The following SLC12A7 variants were observed in gnomAD, a reference collection of about 807,000 sequenced individuals.
The protein encoded by SLC12A7 is solute carrier family 12 member 7.
Under a neutral mutation model 120.6 loss-of-function variants are expected in SLC12A7, and 100 were observed. The ratio of observed to expected loss-of-function variants is 0.83; its 90% CI spans 0.71 to 0.98. The LOEUF (loss-of-function observed/expected upper bound fraction) is 0.98. SLC12A7 is among the 50% of genes least tolerant of loss of function. The pLI, the probability that SLC12A7 is intolerant of heterozygous loss-of-function variation, is 0.00. For missense variants in SLC12A7, 1,373 were observed against 1,548.1 expected, an observed-to-expected ratio of 0.89 and a Z score of 1.90; for synonymous variants, 760 against 678.0, an observed-to-expected ratio of 1.12 and a Z score of -1.88.
the SLC12A7 span, among the ~76,000 whole-genome samples, chr5:1,141,142 G>A: frequency 1.3e-5 from 2 of 152,208 alleles, no homozygotes; most frequent in Non-Finnish European, 2.9e-5. Flanking sequence ...GGCGGGCACC[G>A]GTTCCGGCCT....
rs199523332 is a variant in SLC12A7 at position 1,081,725 on chromosome 5, G to A, written c.1149C>T (p.Tyr383=). The A allele has an allele frequency of 2.1e-5, 34 of 1,612,690 alleles. No homozygotes were observed. Among genetic ancestry groups the A allele is most frequent in the Admixed American group, 1.2e-4 (7 of 60,000 alleles). The change falls in exon 9 of 24, where the codon TAC becomes TAT. Residue 383 remains tyrosine (Y), a synonymous_variant. Coordinates refer to ENST00000264930, the MANE Select transcript of SLC12A7 (RefSeq NM_006598.3). ...GVFLENLWST[Y]AHAGAFVEKK... ...TCTCCACAAACGCCCCCGCGTGCGC[G>A]TACGTACTCCACAGGTTCTCTGCCG... is the stretch of plus-strand genomic sequence containing the variant.
At chr5:1,151,480 A>G in the SLC12A7 span, among the ~76,000 whole-genome samples, 57,917 of 152,036 alleles carry the variant, frequency 0.38, 11,892 homozygotes, top group African/African-American at 0.51. The surrounding 1 kb of genome is among the most constrained non-coding windows in gnomAD (Gnocchi z 6.2). Context: ...CCCTCCAGGT[A>G]TAATTATGAG....
chr5:1,136,378 G>A, the SLC12A7 span, among the ~76,000 whole-genome samples: 4 of 146,634 alleles, frequency 2.7e-5, no homozygotes, highest in African/African-American at 7.8e-5. Context: ...ACCAGGACAC[G>A]CAGACACACG....
At chr5:1,084,176 TGGGGACCAGGGACC>T (rs1169546478) in intron 7 of SLC12A7, among the ~76,000 whole-genome samples, 2 of 151,694 alleles carry the variant, frequency 1.3e-5, no homozygotes, top group East Asian at 1.9e-4. Flanking sequence ...GACCGGGGAC[TGGGGACCAGGGACC>T]GGGGACCAGG....
intron 17 of SLC12A7, among the ~76,000 whole-genome samples, chr5:1,065,850 G>A (rs1017557772): frequency 1.3e-5 from 2 of 151,246 alleles, no homozygotes; most frequent in Non-Finnish European, 3.0e-5. Flanking sequence ...AGAAACACCC[G>A]AAAATGGGCC....
At chr5:1,151,953 A>G in the SLC12A7 span, among the ~76,000 whole-genome samples, 2 of 152,164 alleles carry the variant, frequency 1.3e-5, no homozygotes, top group Non-Finnish European at 2.9e-5. This position sits in a 1 kb window ranked among gnomAD's most constrained non-coding sequence, Gnocchi z 6.2. Flanking sequence ...AGAGGAAGCT[A>G]CATGGGGGCT....
At position 1,060,431 on chromosome 5, in the gene SLC12A7, A is replaced by C. The variant is rs200649949; in HGVS notation, c.2760T>G (p.Ala920=). ...TCATTAGTGTCCTCTCGTAGGTGAA[A>C]GCAGATATGTCGTTTTCAACCTAGA... ...VVEMVENDIS[A]FTYERTLMME... Residue 920 remains alanine, a synonymous_variant, in exon 21 of 24, where the codon GCT becomes GCG. Coordinates refer to ENST00000264930, the MANE Select transcript of SLC12A7 (RefSeq NM_006598.3). The C allele has an allele frequency of 3.1e-6, 5 of 1,613,596 alleles. No individual in the cohort carries two copies. In the East Asian group the frequency reaches 6.7e-5, roughly 22 times the overall value.
At chr5:1,078,597 C>T (rs955819698) in intron 11 of SLC12A7, 104 bp downstream of exon 11, 28 of 936,240 alleles carry the variant, frequency 3.0e-5, no homozygotes, top group Admixed American at 9.7e-5. Flanking sequence ...GCTCTGCACG[C>T]GGACATGAAG....
chr5:1,073,851 C>G (rs180844221), intron 16 of SLC12A7, 50 bp from the exon 17 acceptor site: 1 of 1,343,134 alleles, frequency 7.4e-7, no homozygotes, highest in Non-Finnish European at 9.6e-7. Flanking sequence ...TACCAGGGCA[C>G]GGCCCATCAA....
chr5:1,056,041 C>G (rs1735572868), intron 22 of SLC12A7, among the ~76,000 whole-genome samples: 1 of 152,128 alleles, frequency 6.6e-6, no homozygotes, highest in Admixed American at 6.5e-5. Flanking sequence ...ATCGAGGACT[C>G]CCAGGGAGCA....
chr5:1,076,876 G>A, intron 12 of SLC12A7, 64 bp from the exon 13 acceptor site: 1 of 1,152,838 alleles, frequency 8.7e-7, no homozygotes, highest in South Asian at 1.2e-5. Flanking sequence ...GAAGCTGCAG[G>A]CTGGTCAGGT....
intron 18 of SLC12A7, among the ~76,000 whole-genome samples, chr5:1,064,473 G>A (rs1406408038): frequency 6.6e-5 from 10 of 152,248 alleles, no homozygotes; most frequent in Non-Finnish European, 1.3e-4. Context: ...GCCCCTGCGG[G>A]GCTCTGGGAG....
chr5:1,136,540 G>A, the SLC12A7 span, among the ~76,000 whole-genome samples: 183 of 94,202 alleles, frequency 1.9e-3, 12 homozygotes, highest in African/African-American at 7.8e-3. Flanking sequence ...GCAGGCACAC[G>A]TGTGCTCAGA....
At chr5:1,119,631 G>C in the SLC12A7 span, among the ~76,000 whole-genome samples, 9 of 152,360 alleles carry the variant, frequency 5.9e-5, no homozygotes, top group Non-Finnish European at 8.8e-5. Context: ...CGGGAACAAC[G>C]GACTTTGAGC....
At chr5:1,075,540 A>C (rs946177329) in intron 14 of SLC12A7, 50 bp from the exon 15 acceptor site, 3 of 1,578,344 alleles carry the variant, frequency 1.9e-6, no homozygotes, top group Non-Finnish European at 2.6e-6. Context: ...TGCAGCCCCC[A>C]CACCTCAGCC....
chr5:1,100,049 G>T (rs915243099), intron 1 of SLC12A7, among the ~76,000 whole-genome samples: 21 of 152,212 alleles, frequency 1.4e-4, no homozygotes, highest in African/African-American at 5.1e-4. Context: ...AGAAGGCATG[G>T]CATTTCAACC....
At chr5:1,088,109 G>A (rs1407635240) in intron 5 of SLC12A7, among the ~76,000 whole-genome samples, 197 bp downstream of exon 5, 1 of 152,194 alleles carries the variant, frequency 6.6e-6, no homozygotes, top group Non-Finnish European at 1.5e-5. Flanking sequence ...GCAGCAAAAT[G>A]GGGAAGAAAA....
chr5:1,057,753 A>C (rs1448294716), intron 21 of SLC12A7, 104 bp from the exon 22 acceptor site: 8 of 1,153,274 alleles, frequency 6.9e-6, no homozygotes, highest in South Asian at 1.5e-5. Context: ...ACAGAACCTG[A>C]AGGGCCCTGT....
Position 1,077,941 on chromosome 5 carries a change from G to A in SLC12A7, c.1521C>T (p.Ile507=), listed in dbSNP as rs372143984. ...AGGTGGAGAAGAAGGAGCCGATGAC[G>A]ATGACCCAGGGGGAGGGCCAGGCCA... ...GMLAWPSPWV[I]VIGSFFSTCG... The change falls in exon 12 of 24, where the codon ATC becomes ATT. Residue 507 remains isoleucine (I), a synonymous_variant. Transcript: ENST00000264930. 124 of 1,601,392 alleles carry A rather than the reference G, an allele frequency of 7.7e-5. No homozygotes were observed. Among genetic ancestry groups the A allele is most frequent in the South Asian group, 1.0e-4 (9 of 89,152 alleles).
Sources: gnomAD v4.1 joint callset for allele counts (sites outside exome capture counted in the v4.1 genomes callset) on GRCh38, gnomAD v4.1.1 for gene constraint, Gnocchi (gnomAD v3.1) non-coding constraint, MANE v1.5 for transcripts, NCBI Gene and HGNC (gene_info 2026-07-23, HGNC 2026-07-21) for gene names.